CFAP298: variants seen among roughly 807,000 people sequenced by gnomAD.
The protein encoded by CFAP298 is cilia- and flagella-associated protein 298.
A neutral mutation model predicts 41.0 loss-of-function variants in CFAP298; 38 were observed. That is an observed-to-expected ratio of 0.93 (90% CI 0.72 to 1.22). The LOEUF is 1.22. CFAP298 is among the 50% of genes most tolerant of loss of function. The probability of loss-of-function intolerance (pLI) is 0.00; values close to 1 mark genes in which losing one functional copy is unlikely to be tolerated. For missense variants in CFAP298, 348 were observed against 360.3 expected, an observed-to-expected ratio of 0.97 and a Z score of 0.28; for synonymous variants, 137 against 135.3, an observed-to-expected ratio of 1.01 and a Z score of -0.09.
In CFAP298 at chr21:32,607,661, T is replaced by TGCTTTG; in HGVS notation, c.357_362dup (p.Lys120_Ala121dup). 1 of 1,586,694 alleles carries TGCTTTG rather than the reference T, an allele frequency of 6.3e-7. No individual in the cohort carries two copies. Among genetic ancestry groups the TGCTTTG allele is most frequent in the Non-Finnish European group, 8.6e-7 (1 of 1,163,314 alleles). On this transcript the variant is annotated inframe_insertion, in exon 3 of 7. Coordinates refer to ENST00000290155, the MANE Select transcript of CFAP298 (RefSeq NM_021254.4). ...TAAAAAAGCCAACCTTAGATATTAT[T>TGCTTTG]GCTTTGGCTTCTTCTATAGTCTTCT...
intron 1 of CFAP298, among the ~76,000 whole-genome samples, chr21:32,610,983 C>T (rs1436012552): frequency 1.3e-5 from 2 of 152,174 alleles, no homozygotes; most frequent in East Asian, 3.9e-4. Context: ...GGCAGCTACT[C>T]GCTCCACTTG....
At chr21:32,608,110 G>C (rs1338556740) in intron 2 of CFAP298, among the ~76,000 whole-genome samples, 4 of 151,714 alleles carry the variant, frequency 2.6e-5, no homozygotes, top group Non-Finnish European at 5.9e-5. Flanking sequence ...AACTGGGGTA[G>C]CTGCGTCTCC....
In CFAP298 at chr21:32,600,345, G is replaced by A. The variant is rs1000199086; in HGVS notation, c.*1518C>T. Among the ~76,000 whole-genome samples, 1 of 152,230 alleles carries A rather than the reference G, an allele frequency of 6.6e-6. No homozygotes were observed. The highest frequency in any genetic ancestry group is 2.4e-5 in the African/African-American group (1 of 41,450). ...AACAGCGCTTTGCTCTCAGGTCTGGGACCCACCCCCTGGGCAAGGCCGCCT... is the reference window on the plus strand; with the variant it reads ...AACAGCGCTTTGCTCTCAGGTCTGGAACCCACCCCCTGGGCAAGGCCGCCT... On this transcript the variant is annotated 3_prime_UTR_variant, in exon 7 of 7. Coordinates refer to ENST00000290155, the MANE Select transcript of CFAP298 (RefSeq NM_021254.4).
Position 32,604,140 on chromosome 21 carries a change from G to T in CFAP298, c.519C>A (p.Asp173Glu). 1 of 1,614,020 alleles carries T rather than the reference G, an allele frequency of 6.2e-7. No homozygotes were observed. Among genetic ancestry groups the T allele is most frequent in the South Asian group, 1.1e-5 (1 of 91,084 alleles). The stretch of plus-strand genomic sequence containing the variant: ...AACTACGTACCTGTGTTCCCGACAA[G>T]TCTTCCTTATTTTCAAACTCCATGC... ...PIRMEFENKE[D>E]LSGTQAGLNV... The change falls in exon 4 of 7, where the codon GAC becomes GAA. Residue 173 changes from aspartate to glutamate, a missense_variant. By Grantham distance (45) the Asp-to-Glu change is conservative (BLOSUM62 2). Transcript: ENST00000290155.
chr21:32,606,474 C>G (rs1438598150), intron 3 of CFAP298, among the ~76,000 whole-genome samples: 1 of 152,102 alleles, frequency 6.6e-6, no homozygotes, highest in East Asian at 1.9e-4. Flanking sequence ...GGGTGCAGAA[C>G]AACAGCCAGA....
At chr21:32,602,637 G>A (rs974205868) in intron 5 of CFAP298, 1 of 1,287,112 alleles carries the variant, frequency 7.8e-7, no homozygotes, top group Admixed American at 3.8e-5. Flanking sequence ...AGGTCCAGTG[G>A]GAAAGGGAGG....
chr21:32,604,148 T>G lies in CFAP298; in HGVS notation c.511A>C (p.Lys171Gln). 1.9e-6 allele frequency: 3 copies of G among 1,614,090 alleles called. No homozygotes were observed. The highest frequency in any genetic ancestry group is 2.5e-6 in the Non-Finnish European group (3 of 1,180,008). The change falls in exon 4 of 7, where the codon AAG (lysine) becomes CAG (glutamine). Residue 171 changes from lysine to glutamine, a missense_variant. Coordinates refer to ENST00000290155, the MANE Select transcript of CFAP298 (RefSeq NM_021254.4). ...ACCTGTGTTCCCGACAAGTCTTCCT[T>G]ATTTTCAAACTCCATGCGGATGGGA... Reference protein sequence around the residue: ...YDPIRMEFENKEDLSGTQAGL... With the variant: ...YDPIRMEFENQEDLSGTQAGL...
chr21:32,603,652 T>C (rs1186909957), intron 4 of CFAP298, among the ~76,000 whole-genome samples: 8 of 152,224 alleles, frequency 5.3e-5, no homozygotes, highest in Admixed American at 3.9e-4. Flanking sequence ...TACTTCTGCA[T>C]ATTTCATTTA....
intron 3 of CFAP298, 43 bp downstream of exon 3, chr21:32,607,606 A>C (rs763521443): frequency 3.8e-6 from 5 of 1,310,316 alleles, no homozygotes; most frequent in Non-Finnish European, 5.3e-6. Flanking sequence ...AAAAAAAAAA[A>C]AAAAACCCAA....
chr21:32,611,344 A>ATATATATATATATATATATATATATAT (rs2038992593), intron 1 of CFAP298, among the ~76,000 whole-genome samples: 4 of 110,216 alleles, frequency 3.6e-5, no homozygotes, highest in African/African-American at 2.0e-4. Context: ...TATATAATTT[A>ATATATATATATATATATATATATATAT]TTTATATTTA....
intron 2 of CFAP298, 90 bp from the exon 3 acceptor site, chr21:32,607,806 G>A: frequency 2.5e-6 from 2 of 789,614 alleles, no homozygotes; most frequent in Non-Finnish European, 4.2e-6. Context: ...TGAGTCAGGG[G>A]GTAAATGAAC....
rs1322329144 is a variant in CFAP298 at position 32,599,878 on chromosome 21, G to A, written c.*1985C>T. ...GGAGAGAGGATGGTTCTTCTCGCAT[G>A]GGTATTTAAGGAGTGTAGTGTCATG... On this transcript the variant is annotated 3_prime_UTR_variant, in exon 7 of 7. Transcript: ENST00000290155. Among the ~76,000 whole-genome samples, 2 of 152,234 alleles carry A rather than the reference G, an allele frequency of 1.3e-5. No individual in the cohort carries two copies. Among genetic ancestry groups the A allele is most frequent in the Non-Finnish European group, 2.9e-5 (2 of 68,046 alleles).
intron 3 of CFAP298, 46 bp downstream of exon 3, chr21:32,607,603 A>G (rs760609015): frequency 8.9e-5 from 114 of 1,285,096 alleles, no homozygotes; most frequent in Non-Finnish European, 1.2e-4. Context: ...CCAAAAAAAA[A>G]AAAAAAAACC....
At position 32,612,142 on chromosome 21, in the gene CFAP298, G is replaced by A. The variant is rs374427365; in HGVS notation, c.102C>T (p.Val34=). Reference sequence around the variant, plus strand: ...GCTGCACCTTGAGCCGCCCATTATAGACCCGGGCCACCTGCACCGTGAGCT... The same window carrying A: ...GCTGCACCTTGAGCCGCCCATTATAAACCCGGGCCACCTGCACCGTGAGCT... ...LEELTVQVAR[V]YNGRLKVQRL... is the part of the protein sequence containing the mutation. Residue 34 remains valine, a synonymous_variant, in exon 1 of 7, where the codon GTC becomes GTT. Coordinates refer to ENST00000290155, the MANE Select transcript of CFAP298 (RefSeq NM_021254.4). The A allele has an allele frequency of 6.4e-7, 1 of 1,573,518 alleles. No homozygotes were observed. The highest frequency in any genetic ancestry group is 8.6e-7 in the Non-Finnish European group (1 of 1,159,946).
chr21:32,602,521 G>A lies in CFAP298; in HGVS notation c.667-154C>T, dbSNP rs956102006. ...CACCCGAAGTGAAGCATCAAGGGAA[G>A]CCTTGGTCTTGAGCAGCCCTGAGCC... On this transcript the variant is annotated intron_variant, in intron 5 of 6. Coordinates refer to ENST00000290155, the MANE Select transcript of CFAP298 (RefSeq NM_021254.4). 3.5e-6 allele frequency: 5 copies of A among 1,439,534 alleles called. No homozygotes were observed. The African/African-American group carries it at 4.3e-5, about 12-fold the overall frequency. The allele number at this position is 1,439,534 out of a possible 1,614,324, so 89.2% of individuals were successfully genotyped here.
chr21:32,612,088 C>T lies in CFAP298; in HGVS notation c.139+17G>A. On this transcript the variant is annotated intron_variant, in intron 1 of 6. Coordinates refer to ENST00000290155, the MANE Select transcript of CFAP298 (RefSeq NM_021254.4). ...GTCTCTCGATCTGTCCGGGATGGGC[C>T]CACCCGCGAGCCGCACCTGAGCAGA... 7 of 1,543,516 alleles carry T rather than the reference C, an allele frequency of 4.5e-6. No individual in the cohort carries two copies. The highest frequency in any genetic ancestry group is 4.4e-6 in the Non-Finnish European group (5 of 1,144,618).
chr21:32,605,040 G>T (rs184121332), intron 3 of CFAP298, among the ~76,000 whole-genome samples: 76 of 152,348 alleles, frequency 5.0e-4, no homozygotes, highest in African/African-American at 1.7e-3. Flanking sequence ...TTAGCTGGGC[G>T]TGGTGGCAGG....
chr21:32,606,373 C>T (rs949474064), intron 3 of CFAP298, among the ~76,000 whole-genome samples: 1 of 152,024 alleles, frequency 6.6e-6, no homozygotes, highest in Non-Finnish European at 1.5e-5. Context: ...AGGAAGAAGA[C>T]CAAGGATAAA....
At chr21:32,602,066 C>G (rs1568990635) in intron 6 of CFAP298, 93 bp from the exon 7 acceptor site, 2 of 915,742 alleles carry the variant, frequency 2.2e-6, no homozygotes, top group Non-Finnish European at 3.6e-6. Context: ...TGACCTCCCC[C>G]TCTCCCTGCC....
Sources: allele counts gnomAD v4.1 joint callset (sites outside exome capture counted in the v4.1 genomes callset), GRCh38; gene constraint gnomAD v4.1.1; transcripts MANE v1.5; gene names NCBI Gene and HGNC (gene_info 2026-07-23, HGNC 2026-07-21).